The following ITPR2 variants were observed in gnomAD, a reference collection of about 807,000 sequenced individuals.
ITPR2 encodes inositol 1,4,5-trisphosphate receptor type 2.
A neutral mutation model predicts 317.1 loss-of-function variants in ITPR2; 207 were observed. That is an observed-to-expected ratio of 0.65 (90% confidence interval 0.58 to 0.73). ITPR2 has a LOEUF of 0.73. ITPR2 is among the 30% of genes least tolerant of loss of function. ITPR2 has a pLI of 0.00. For synonymous variants in ITPR2, 1,156 were observed against 1,149.1 expected (o/e 1.01, Z -0.12); for missense variants, 2,613 against 3,284.0 (o/e 0.80, Z 4.99).
chr12:26,482,965 C>T (rs10771287), intron 42 of ITPR2, among the ~76,000 whole-genome samples: 75,780 of 152,110 alleles, frequency 0.5, 22,408 homozygotes, highest in Non-Finnish European at 0.64. Flanking sequence ...TCCATGCTTA[C>T]GATGGTAGCT....
At chr12:26,372,592 G>A (rs941823013) in intron 55 of ITPR2, among the ~76,000 whole-genome samples, 2 of 152,060 alleles carry the variant, frequency 1.3e-5, no homozygotes, top group African/African-American at 2.4e-5. Flanking sequence ...TTCCATTAAC[G>A]CTCTTTCTAC....
chr12:26,677,995 T>C (rs1196827762), intron 13 of ITPR2, among the ~76,000 whole-genome samples: 1 of 152,264 alleles, frequency 6.6e-6, no homozygotes, highest in East Asian at 1.9e-4. Context: ...AGACATGGGA[T>C]AGTCTGTGGC....
chr12:26,349,923 C>G (rs1307622207), intron 55 of ITPR2, among the ~76,000 whole-genome samples: 2 of 152,230 alleles, frequency 1.3e-5, no homozygotes, highest in Non-Finnish European at 2.9e-5. Flanking sequence ...CTCCTAATCT[C>G]AGCAGGGCCC....
In ITPR2 at chr12:26,486,348, G is replaced by A. The variant is rs760477624; in HGVS notation, c.5567C>T (p.Thr1856Ile). 2 of 1,605,222 alleles carry A rather than the reference G, an allele frequency of 1.2e-6. No individual in the cohort carries two copies. The highest frequency in any genetic ancestry group is 2.2e-5 in the South Asian group (2 of 90,808). Residue 1856 changes from threonine to isoleucine, a missense_variant, in exon 41 of 57, where the codon ACA becomes ATA. Physicochemically the swap from Thr to Ile is moderately conservative, Grantham distance 89 (BLOSUM62 -1). Coordinates refer to ENST00000381340, the MANE Select transcript of ITPR2 (RefSeq NM_002223.4). ...TTTCATTCCCTCTTTTAAATGTAGT[G>A]TTGAATCTCTTACTGAAAACAAAGC... The part of the protein sequence containing the change: ...SGPRMRVRDS[T>I]LHLKEGMKGQ...
chr12:26,621,057 A>G, intron 26 of ITPR2, 66 bp downstream of exon 26: 1 of 1,340,304 alleles, frequency 7.5e-7, no homozygotes, highest in East Asian at 2.4e-5. Flanking sequence ...ATTGTAGAGC[A>G]TGTGGTTATA....
intron 13 of ITPR2, among the ~76,000 whole-genome samples, chr12:26,674,090 G>C (rs1380678678): frequency 7.1e-6 from 1 of 140,980 alleles, no homozygotes; most frequent in Non-Finnish European, 1.6e-5. Context: ...TGGGTAGGAA[G>C]AATCAATATC....
chr12:26,687,063 C>G (rs145871971), intron 10 of ITPR2, among the ~76,000 whole-genome samples: 1 of 152,150 alleles, frequency 6.6e-6, no homozygotes, highest in Admixed American at 6.6e-5. Context: ...CATAATAATA[C>G]TTGGAGAGGA....
intron 37 of ITPR2, among the ~76,000 whole-genome samples, chr12:26,524,447 T>A (rs993480361): frequency 6.6e-6 from 1 of 151,918 alleles, no homozygotes; most frequent in Admixed American, 6.6e-5. Flanking sequence ...GATTTATAAA[T>A]AATGAACCAT....
intron 55 of ITPR2, among the ~76,000 whole-genome samples, chr12:26,380,797 T>C (rs2136616496): frequency 6.6e-6 from 1 of 152,266 alleles, no homozygotes; most frequent in Non-Finnish European, 1.5e-5. Flanking sequence ...CCTCCAACAG[T>C]TACTGCTCAA....
At chr12:26,713,112 C>T (rs184607565) in intron 8 of ITPR2, among the ~76,000 whole-genome samples, 2 of 152,330 alleles carry the variant, frequency 1.3e-5, no homozygotes, top group Admixed American at 1.3e-4. Context: ...GTGCCCGCTC[C>T]TACAAGGTGC....
chr12:26,659,251 G>C lies in ITPR2; in HGVS notation c.1748C>G (p.Ser583Cys). 6.2e-7 allele frequency: 1 copy of C among 1,613,604 alleles called. No homozygotes were observed. Among genetic ancestry groups the C allele is most frequent in the Non-Finnish European group, 8.5e-7 (1 of 1,179,838 alleles). Reference protein sequence around the residue: ...YIAKNFCVMQSQIGYDILAED... With the variant: ...YIAKNFCVMQCQIGYDILAED... ...TGCCAAAATATCATAGCCAATCTGG[G>C]ACTGCATGACACAGAAATTCTTAGC... Residue 583 changes from serine (S) to cysteine (C), a missense_variant, in exon 16 of 57, where the codon TCC (serine) becomes TGC (cysteine). This residue lies in a region of ITPR2 where 515 missense variants were observed against 789.4 expected (regional missense o/e 0.65). Coordinates refer to ENST00000381340, the MANE Select transcript of ITPR2 (RefSeq NM_002223.4).
intron 2 of ITPR2, among the ~76,000 whole-genome samples, chr12:26,739,807 G>C (rs190601490): frequency 6.6e-6 from 1 of 152,104 alleles, no homozygotes; most frequent in African/African-American, 2.4e-5. Flanking sequence ...ATTCAATCAA[G>C]TTGAAAATAA....
Position 26,458,307 on chromosome 12 carries a change from C to G in ITPR2, c.6343-14657G>C, listed in dbSNP as rs925177428. Among the ~76,000 whole-genome samples, 13 of 152,138 alleles carry G rather than the reference C, an allele frequency of 8.5e-5. No homozygotes were observed. The South Asian group carries it at 1.2e-3, about 15-fold the overall frequency. ...GTGAATGCCACTTCTAGTTGGTAGCCGCTTAGAGAACTGTGCCACTCATGG... is the reference window on the plus strand; with the variant it reads ...GTGAATGCCACTTCTAGTTGGTAGCGGCTTAGAGAACTGTGCCACTCATGG... On this transcript the variant is annotated intron_variant, in intron 45 of 56. Transcript: ENST00000381340.
intron 55 of ITPR2, among the ~76,000 whole-genome samples, chr12:26,358,691 T>C (rs1258187964): frequency 1.3e-5 from 2 of 152,116 alleles, no homozygotes; most frequent in Non-Finnish European, 2.9e-5. Flanking sequence ...AAGGCACTGA[T>C]ATGTTTTTAA....
At chr12:26,423,115 G>A (rs957931715) in intron 49 of ITPR2, among the ~76,000 whole-genome samples, 9 of 152,096 alleles carry the variant, frequency 5.9e-5, no homozygotes, top group Non-Finnish European at 7.4e-5. Context: ...TAACCCCAGC[G>A]TTGGAGCAGT....
chr12:26,782,008 ATATATATATATATATATATATATATG>A lies in ITPR2; in HGVS notation c.163+8123_163+8148del, dbSNP rs1183052585. Reference sequence around the variant, plus strand: ...AACTCCCCTGTATATATATATATATATATATATATATATATATATATATATGTATAGAGAGAGAGAGAGAGAGAGAG... The same window carrying A: ...AACTCCCCTGTATATATATATATATATATAGAGAGAGAGAGAGAGAGAGAG... On this transcript the variant is annotated intron_variant, in intron 2 of 56. Transcript: ENST00000381340. 4.1e-3 allele frequency among the ~76,000 whole-genome samples: 115 copies of A among 28,268 alleles called. 2 individuals carry two copies. Among genetic ancestry groups the A allele is most frequent in the Admixed American group, 0.018 (33 of 1,798 alleles). The allele number at this position is 28,268 out of a possible 152,430, so 18.5% of individuals were successfully genotyped here. A position where few individuals can be genotyped will look rare whatever the true frequency, so the allele number is the denominator to read the frequency against.
At chr12:26,475,843 T>C (rs913822619) in intron 44 of ITPR2, among the ~76,000 whole-genome samples, 6 of 151,976 alleles carry the variant, frequency 3.9e-5, no homozygotes, top group Non-Finnish European at 7.4e-5. Flanking sequence ...GCAAACACAG[T>C]GCGGTGCCAT....
chr12:26,613,271 A>G (rs927768790), intron 26 of ITPR2, among the ~76,000 whole-genome samples: 3 of 152,186 alleles, frequency 2.0e-5, no homozygotes, highest in Non-Finnish European at 2.9e-5. Flanking sequence ...CAAACCCAGC[A>G]TAGGTTTGAA....
At chr12:26,499,465 A>T (rs1943024020) in intron 37 of ITPR2, among the ~76,000 whole-genome samples, 1 of 152,206 alleles carries the variant, frequency 6.6e-6, no homozygotes, top group South Asian at 2.1e-4. Flanking sequence ...AAGTTACTTC[A>T]TCACTCTGGG....
Sources: gnomAD v4.1 joint callset for allele counts (sites outside exome capture counted in the v4.1 genomes callset) on GRCh38, gnomAD v4.1.1 for gene constraint, gnomAD v4.1.1 regional missense constraint, MANE v1.5 for transcripts, NCBI Gene and HGNC (gene_info 2026-07-23, HGNC 2026-07-21) for gene names.